The following CRHR1 variants were observed in gnomAD, a reference collection of about 807,000 sequenced individuals.
CRHR1 encodes the protein corticotropin-releasing hormone receptor 1.
A neutral mutation model predicts 56.0 loss-of-function variants in CRHR1; 28 were observed. The observed-to-expected ratio is 0.50, with a 90% confidence interval of 0.37 to 0.69. The LOEUF is 0.69. Among genes scored for constraint, CRHR1 ranks in the 30% least tolerant of loss-of-function variants. CRHR1 has a pLI of 0.00. For synonymous variants in CRHR1, 195 were observed against 216.5 expected, an observed-to-expected ratio of 0.90 and a Z score of 0.87; for missense variants, 376 against 548.0, an observed-to-expected ratio of 0.69 and a Z score of 3.13.
At chr17:45,810,151 G>A (rs1380868673) in intron 2 of CRHR1, among the ~76,000 whole-genome samples, 1 of 152,144 alleles carries the variant, frequency 6.6e-6, no homozygotes, top group Non-Finnish European at 1.5e-5. Context: ...CGGGCTTGGT[G>A]GTGGGCGCCT....
At chr17:45,830,823 A>C (rs2062289764) in intron 7 of CRHR1, 57 bp from the exon 8 acceptor site, 1 of 1,561,758 alleles carries the variant, frequency 6.4e-7, no homozygotes, top group Admixed American at 1.7e-5. Flanking sequence ...GGGGTTCTCC[A>C]GGCCCACATC....
Position 45,795,951 on chromosome 17 carries a change from G to A in CRHR1, c.34-11059G>A, listed in dbSNP as rs192322251. ...TGACCTTTGGCCTTAGAAGGCAGTC[G>A]TTTTTCCAGGAAAAACAGCCCCAAA... On this transcript the variant is annotated intron_variant, in intron 1 of 12. Transcript: ENST00000314537. Among the ~76,000 whole-genome samples, 27 of 152,284 alleles carry A rather than the reference G, an allele frequency of 1.8e-4. No individual in the cohort carries two copies. The East Asian group carries it at 2.1e-3, about 12-fold the overall frequency.
intron 5 of CRHR1, among the ~76,000 whole-genome samples, chr17:45,829,815 G>A (rs1198672181): frequency 6.6e-6 from 1 of 152,054 alleles, no homozygotes; most frequent in East Asian, 1.9e-4. Context: ...AGGGGAAGCG[G>A]GCATCGCCAG....
At chr17:45,833,884 G>A (rs1568075206) in intron 11 of CRHR1, 35 bp downstream of exon 11, 1 of 1,612,534 alleles carries the variant, frequency 6.2e-7, no homozygotes, top group Non-Finnish European at 8.5e-7. Context: ...GCACCTCCTT[G>A]GGTGGGGATT....
chr17:45,828,405 G>A (rs1180868841), intron 4 of CRHR1, among the ~76,000 whole-genome samples: 5 of 152,204 alleles, frequency 3.3e-5, no homozygotes, highest in African/African-American at 4.8e-5. Flanking sequence ...CTCCCCCCAC[G>A]GGGTTGCCCT....
chr17:45,823,745 C>T (rs1230618106), intron 4 of CRHR1, among the ~76,000 whole-genome samples: 5 of 152,206 alleles, frequency 3.3e-5, no homozygotes, highest in Admixed American at 6.5e-5. Context: ...GCTCCCACCC[C>T]GGCCTGGCAA....
intron 6 of CRHR1, 69 bp downstream of exon 6, chr17:45,830,283 C>A: frequency 1.9e-6 from 3 of 1,604,130 alleles, no homozygotes; most frequent in Non-Finnish European, 2.6e-6. Flanking sequence ...CCCGCCTGCC[C>A]TGCAGAGGAG....
intron 1 of CRHR1, among the ~76,000 whole-genome samples, chr17:45,795,112 T>C (rs2061494872): frequency 6.6e-6 from 1 of 152,144 alleles, no homozygotes; most frequent in Non-Finnish European, 1.5e-5. Context: ...GGAGTTCCCA[T>C]CTGCCCAGCT....
At chr17:45,791,858 A>T (rs972405723) in intron 1 of CRHR1, among the ~76,000 whole-genome samples, 8 of 149,780 alleles carry the variant, frequency 5.3e-5, no homozygotes, top group Admixed American at 1.3e-4. Context: ...TCTCTCACAC[A>T]CACACACACA....
chr17:45,791,366 A>G (rs2061422151), intron 1 of CRHR1, among the ~76,000 whole-genome samples: 1 of 152,208 alleles, frequency 6.6e-6, no homozygotes, highest in South Asian at 2.1e-4. Flanking sequence ...AACTGCACTC[A>G]GAGCACGGGC....
chr17:45,813,442 C>T lies in CRHR1; in HGVS notation c.122-3021C>T, dbSNP rs73984619. On this transcript the variant is annotated intron_variant, in intron 2 of 12. Coordinates refer to ENST00000314537, the MANE Select transcript of CRHR1 (RefSeq NM_004382.5). Reference sequence around the variant, plus strand: ...TGCAGCCTCTCTCTCCCTTTCTTCCCGTCTCACACAGACTTTCAATTCCTT... The same window carrying T: ...TGCAGCCTCTCTCTCCCTTTCTTCCTGTCTCACACAGACTTTCAATTCCTT... Among the ~76,000 whole-genome samples the T allele has an allele frequency of 6.8e-3, 1,034 of 152,348 alleles. 19 individuals carry two copies. Among genetic ancestry groups the T allele is most frequent in the African/African-American group, 0.024 (1,001 of 41,598 alleles).
chr17:45,832,797 T>C (rs1011131770), intron 8 of CRHR1, among the ~76,000 whole-genome samples: 7 of 152,252 alleles, frequency 4.6e-5, no homozygotes, highest in African/African-American at 9.6e-5. Flanking sequence ...ATGCTGGGCC[T>C]CAGCCACTGC....
At chr17:45,802,558 A>G (rs968675165) in intron 1 of CRHR1, among the ~76,000 whole-genome samples, 1 of 152,244 alleles carries the variant, frequency 6.6e-6, no homozygotes, top group Non-Finnish European at 1.5e-5. Flanking sequence ...AATAAGGCAG[A>G]AGCCCTCACA....
intron 2 of CRHR1, among the ~76,000 whole-genome samples, chr17:45,815,955 A>G (rs2061918896): frequency 6.6e-6 from 1 of 152,238 alleles, no homozygotes; most frequent in Non-Finnish European, 1.5e-5. Context: ...GCCAGCCGGA[A>G]GGAGGGCCAA....
chr17:45,820,100 A>C (rs542852526), intron 3 of CRHR1, among the ~76,000 whole-genome samples: 1 of 152,176 alleles, frequency 6.6e-6, no homozygotes, highest in African/African-American at 2.4e-5. Context: ...TCCAGACTCA[A>C]GGACTGGGAC....
intron 7 of CRHR1, 91 bp downstream of exon 7, chr17:45,830,661 G>A: frequency 6.7e-7 from 1 of 1,481,674 alleles, no homozygotes. Context: ...TGGGGGGCCT[G>A]AGGGATGGAG....
intron 3 of CRHR1, among the ~76,000 whole-genome samples, chr17:45,818,428 C>A (rs955266582): frequency 3.3e-4 from 51 of 152,268 alleles, no homozygotes; most frequent in Non-Finnish European, 6.6e-4. Context: ...CCTGAAGTGG[C>A]AGTCAGGAGT....
At chr17:45,788,102 C>T (rs2061366042) in intron 1 of CRHR1, among the ~76,000 whole-genome samples, 1 of 152,282 alleles carries the variant, frequency 6.6e-6, no homozygotes, top group Non-Finnish European at 1.5e-5. Flanking sequence ...CCTCCAGGTT[C>T]AGCCACACAT....
intron 2 of CRHR1, among the ~76,000 whole-genome samples, chr17:45,814,505 A>G (rs1477981528): frequency 6.6e-6 from 1 of 152,232 alleles, no homozygotes; most frequent in South Asian, 2.1e-4. Flanking sequence ...CAATTTCTTC[A>G]TCTGTAGAAA....
Sources: allele counts gnomAD v4.1 joint callset (sites outside exome capture counted in the v4.1 genomes callset), GRCh38; gene constraint gnomAD v4.1.1; transcripts MANE v1.5; gene names NCBI Gene and HGNC (gene_info 2026-07-23, HGNC 2026-07-21).